The following PAX7 variants were observed in gnomAD, a reference collection of about 807,000 sequenced individuals.
PAX7 encodes paired box protein Pax-7.
In PAX7, 18 loss-of-function variants were observed where a neutral mutation model predicts 50.7. The observed-to-expected ratio is 0.36, with a 90% CI of 0.25 to 0.53. The LOEUF is 0.53. Ranked by LOEUF, PAX7 falls within the 20% of genes least tolerant of loss-of-function variation. The pLI, the probability that PAX7 is intolerant of heterozygous loss-of-function variation, is 0.93. For synonymous variants in PAX7, 310 were observed against 290.4 expected, an observed-to-expected ratio of 1.07 and a Z score of -0.69; for missense variants, 644 against 702.9, an observed-to-expected ratio of 0.92 and a Z score of 0.95.
intron 4 of PAX7, among the ~76,000 whole-genome samples, chr1:18,672,323 C>T (rs2088760969): frequency 6.6e-6 from 1 of 152,328 alleles, no homozygotes; most frequent in Middle Eastern, 3.4e-3. Flanking sequence ...ACCAAGCCAT[C>T]CCCTTCCCCC....
chr1:18,665,345 G>A (rs985441209), intron 4 of PAX7, among the ~76,000 whole-genome samples: 5 of 152,062 alleles, frequency 3.3e-5, no homozygotes, highest in East Asian at 1.9e-4. Context: ...TGGCATGAGC[G>A]GGCTCGGGTG....
In PAX7 at chr1:18,703,311, C is replaced by T. The variant is rs1015983370; in HGVS notation, c.1155+15C>T. 1.9e-6 allele frequency: 3 copies of T among 1,609,902 alleles called. No homozygotes were observed. Among genetic ancestry groups the T allele is most frequent in the Non-Finnish European group, 2.5e-6 (3 of 1,177,576 alleles). ...TGTCTCCTCAGGTAGGTGGTCTCAG[C>T]CCAGCACCCAGGATCCCACCGCCAC... is the stretch of plus-strand genomic sequence containing the variant. On this transcript the variant is annotated intron_variant, in intron 7 of 8. Transcript: ENST00000420770.
intron 7 of PAX7, among the ~76,000 whole-genome samples, chr1:18,725,669 G>A (rs1455277154): frequency 2.0e-5 from 3 of 152,192 alleles, no homozygotes; most frequent in Non-Finnish European, 2.9e-5. Context: ...TCTTTAAATA[G>A]TCATATCTTT....
intron 4 of PAX7, among the ~76,000 whole-genome samples, chr1:18,683,579 C>G (rs964176719): frequency 6.6e-6 from 1 of 152,186 alleles, no homozygotes; most frequent in Non-Finnish European, 1.5e-5. Flanking sequence ...GTGGCTCATG[C>G]CTGTAATCCC....
intron 7 of PAX7, among the ~76,000 whole-genome samples, chr1:18,730,671 C>A (rs894047208): frequency 6.6e-6 from 1 of 152,222 alleles, no homozygotes; most frequent in Non-Finnish European, 1.5e-5. Flanking sequence ...TCGGGGCCAG[C>A]TCAGGAACGG....
chr1:18,678,313 C>T (rs1409038494), intron 4 of PAX7, among the ~76,000 whole-genome samples: 1 of 151,528 alleles, frequency 6.6e-6, no homozygotes, highest in South Asian at 2.1e-4. Context: ...ACAGGAGAAT[C>T]GCTTGAACCC....
chr1:18,726,000 G>A (rs547076123), intron 7 of PAX7, among the ~76,000 whole-genome samples: 44 of 150,484 alleles, frequency 2.9e-4, no homozygotes, highest in Non-Finnish European at 4.0e-4. Flanking sequence ...GTGTGCGCGC[G>A]CGCGCGTGCG....
At chr1:18,725,307 C>CCA (rs2089547322) in intron 7 of PAX7, among the ~76,000 whole-genome samples, 1 of 54,784 alleles carries the variant, frequency 1.8e-5, no homozygotes, top group Non-Finnish European at 3.6e-5. Flanking sequence ...GAGACGCCCC[C>CCA]CCCCCGCCCC....
chr1:18,688,398 A>ACCAG (rs779379604), intron 4 of PAX7, among the ~76,000 whole-genome samples: 1 of 152,242 alleles, frequency 6.6e-6, no homozygotes, highest in South Asian at 2.1e-4. Context: ...AGTGGTGGCC[A>ACCAG]CCAGCCACGT....
At chr1:18,657,070 G>A (rs1570131671) in intron 4 of PAX7, among the ~76,000 whole-genome samples, 1 of 152,250 alleles carries the variant, frequency 6.6e-6, no homozygotes, top group East Asian at 1.9e-4. Flanking sequence ...TATGGTGTCT[G>A]TTGCTGTAGG....
At chr1:18,652,281 G>A (rs905882766) in intron 4 of PAX7, among the ~76,000 whole-genome samples, 1 of 151,784 alleles carries the variant, frequency 6.6e-6, no homozygotes, top group East Asian at 1.9e-4. Context: ...GGTAGAGTTA[G>A]AACTACCATT....
At chr1:18,737,648 A>C (rs780090514) in intron 8 of PAX7, among the ~76,000 whole-genome samples, 6 of 152,272 alleles carry the variant, frequency 3.9e-5, no homozygotes. Context: ...ATATGTGTAT[A>C]TGACTTCACA....
rs991350532 is a variant in PAX7, at chr1:18,726,012, G to A, written c.1156-9620G>A. ...TGTGTGTGCGCGCGCGCGCGTGCGC[G>A]CGTGTGTGTGCGTGTGTTTGTGTGT... On this transcript the variant is annotated intron_variant, in intron 7 of 8. Transcript: ENST00000420770. This position sits in a 1 kb window ranked among gnomAD's most constrained non-coding sequence, Gnocchi z 4.8. 4.3e-4 allele frequency among the ~76,000 whole-genome samples: 65 copies of A among 150,400 alleles called. No homozygotes were observed. The highest frequency in any genetic ancestry group is 2.3e-3 in the Admixed American group (34 of 15,090).
rs2088043414 is a variant in PAX7 at position 18,631,442 on chromosome 1, G to A, written c.-162G>A. On this transcript the variant is annotated 5_prime_UTR_variant, in exon 1 of 9. Coordinates refer to ENST00000420770, the MANE Select transcript of PAX7 (RefSeq NM_001135254.2). The stretch of plus-strand genomic sequence containing the variant: ...TTCTGGACGCGTTTGACTGCAGCCA[G>A]GGGTGGGGGGTGGGGGTAGGGAGTG... 1.6e-6 allele frequency: 1 copy of A among 639,368 alleles called. No individual in the cohort carries two copies. The highest frequency in any genetic ancestry group is 1.9e-5 in the South Asian group (1 of 52,570). 39.6% of individuals were successfully genotyped at this position (639,368 alleles called of 1,614,324 possible). A position where few individuals can be genotyped will look rare whatever the true frequency, so the allele number is the denominator to read the frequency against.
chr1:18,703,522 G>T (rs1202749163), intron 7 of PAX7, among the ~76,000 whole-genome samples: 1 of 152,244 alleles, frequency 6.6e-6, no homozygotes, highest in Non-Finnish European at 1.5e-5. Context: ...TTGGTGGAGA[G>T]AATTGTGGAT....
At chr1:18,741,896 A>T (rs946392047) in intron 8 of PAX7, among the ~76,000 whole-genome samples, 1 of 152,216 alleles carries the variant, frequency 6.6e-6, no homozygotes, top group Admixed American at 6.5e-5. Context: ...CCAGGCTCAG[A>T]CTGCCTGGGT....
At chr1:18,673,893 G>T (rs1002170320) in intron 4 of PAX7, among the ~76,000 whole-genome samples, 7 of 152,350 alleles carry the variant, frequency 4.6e-5, no homozygotes, top group Non-Finnish European at 1.0e-4. Flanking sequence ...GAATATCTGT[G>T]TGTTGGTTTA....
intron 7 of PAX7, among the ~76,000 whole-genome samples, chr1:18,718,219 C>T (rs1570221010): frequency 6.6e-6 from 1 of 152,138 alleles, no homozygotes; most frequent in East Asian, 1.9e-4. Flanking sequence ...TCAGAGCTGG[C>T]CAGGGATGGA....
In PAX7 at chr1:18,707,411, CTTTCTTTT is replaced by C. The variant is rs1366901160; in HGVS notation, c.1155+4119_1155+4126del. 1.1e-3 allele frequency among the ~76,000 whole-genome samples: 101 copies of C among 91,232 alleles called. 2 individuals carry two copies. The East Asian group carries it at 0.025, about 23-fold the overall frequency. The allele number at this position is 91,232 out of a possible 152,430, so 59.9% of individuals were successfully genotyped here. A position where few individuals can be genotyped will look rare whatever the true frequency, so the allele number is the denominator to read the frequency against. On this transcript the variant is annotated intron_variant, in intron 7 of 8. Transcript: ENST00000420770. ...TCCTTTTCTTTCCTTTTCTTTTTTT[CTTTCTTTT>C]TTTTTTTTTTTTTTTTTTGAGATAG...
Sources: gnomAD v4.1 joint callset for allele counts (sites outside exome capture counted in the v4.1 genomes callset) on GRCh38, gnomAD v4.1.1 for gene constraint, Gnocchi (gnomAD v3.1) non-coding constraint, MANE v1.5 for transcripts, NCBI Gene and HGNC (gene_info 2026-07-23, HGNC 2026-07-21) for gene names.